The following EYA4 variants were observed in gnomAD, a reference collection of about 807,000 sequenced individuals.
EYA4 encodes the protein EYA transcriptional coactivator and phosphatase 4.
EYA4 carries 31 observed loss-of-function variants against 87.9 expected under a neutral mutation model. That is an observed-to-expected ratio of 0.35 (90% confidence interval 0.27 to 0.48). The LOEUF is 0.48. EYA4 is among the 20% of genes least tolerant of loss of function. The pLI is 0.99. For missense variants in EYA4, 678 were observed against 761.4 expected, an observed-to-expected ratio of 0.89 and a Z score of 1.29; for synonymous variants, 263 against 270.6, an observed-to-expected ratio of 0.97 and a Z score of 0.28.
rs768724484 is a variant in EYA4, at chr6:133,383,517, CAAAAAAA to C, written c.83+1098_83+1104del. 5.8e-3 allele frequency among the ~76,000 whole-genome samples: 264 copies of C among 45,230 alleles called. 2 individuals carry two copies. The South Asian group carries it at 0.089, about 15-fold the overall frequency. The allele number at this position is 45,230 out of a possible 152,430, so 29.7% of individuals were successfully genotyped here. ...TGGGCGACAGAGCGAGACTCCATCTCAAAAAAAAAAAAAAAAAAAAAAAAAAAATGTA... is the reference window on the plus strand; with the variant it reads ...TGGGCGACAGAGCGAGACTCCATCTCAAAAAAAAAAAAAAAAAAAAATGTA... On this transcript the variant is annotated intron_variant, in intron 3 of 19. Coordinates refer to ENST00000355286, the MANE Select transcript of EYA4 (RefSeq NM_004100.5).
chr6:133,327,506 G>A (rs952975468), intron 2 of EYA4, among the ~76,000 whole-genome samples: 10 of 152,072 alleles, frequency 6.6e-5, no homozygotes, highest in African/African-American at 2.4e-4. Context: ...CATATAAAAG[G>A]ACCAGTAGGG....
chr6:133,277,711 T>C (rs1777293469), intron 2 of EYA4, among the ~76,000 whole-genome samples: 1 of 152,188 alleles, frequency 6.6e-6, no homozygotes, highest in Non-Finnish European at 1.5e-5. Flanking sequence ...CCAGCTCTCC[T>C]TCCCTCTCCC....
At chr6:133,384,325 T>G (rs1030736412) in intron 3 of EYA4, among the ~76,000 whole-genome samples, 1 of 152,204 alleles carries the variant, frequency 6.6e-6, no homozygotes, top group Admixed American at 6.5e-5. Context: ...ATAGTTTTTT[T>G]GAAGACTGCT....
chr6:133,279,302 G>A (rs1777433505), intron 2 of EYA4, among the ~76,000 whole-genome samples: 1 of 152,088 alleles, frequency 6.6e-6, no homozygotes, highest in South Asian at 2.1e-4. Flanking sequence ...TTACGGGCCT[G>A]AACATTCATA....
At chr6:133,382,247 T>C in intron 2 of EYA4, 145 bp from the exon 3 acceptor site, 1 of 727,626 alleles carries the variant, frequency 1.4e-6, no homozygotes, top group Non-Finnish European at 2.5e-6. Context: ...ATACACTATT[T>C]AGTACTGTAT....
In EYA4 at chr6:133,506,178, T is replaced by C. The variant is rs766259417; in HGVS notation, c.1264T>C (p.Phe422Leu). ...TTTTAATCTTGCTGATACTCATTTG[T>C]TTTTTAATGATTTAGAGGTAAGAAT... The part of the protein sequence containing the change: ...MIFNLADTHL[F>L]FNDLEECDQV... Residue 422 changes from phenylalanine to leucine, a missense_variant, in exon 14 of 20, where the codon TTT (phenylalanine) becomes CTT (leucine). Coordinates refer to ENST00000355286, the MANE Select transcript of EYA4 (RefSeq NM_004100.5). The C allele has an allele frequency of 1.3e-6, 2 of 1,599,834 alleles. No individual in the cohort carries two copies. Among genetic ancestry groups the C allele is most frequent in the Non-Finnish European group, 1.7e-6 (2 of 1,167,108 alleles).
At chr6:133,265,729 G>A (rs1200930701) in intron 1 of EYA4, among the ~76,000 whole-genome samples, 2 of 152,030 alleles carry the variant, frequency 1.3e-5, no homozygotes, top group African/African-American at 4.8e-5. Flanking sequence ...TAAATTTCAA[G>A]GAAATATAAA....
chr6:133,480,426 A>G (rs1348202235), intron 11 of EYA4, among the ~76,000 whole-genome samples: 4 of 152,138 alleles, frequency 2.6e-5, no homozygotes, highest in Admixed American at 1.3e-4. Flanking sequence ...TTGGATATCA[A>G]TAAGTGGGGA....
At chr6:133,246,864 A>T (rs1288620327) in intron 1 of EYA4, 1 of 152,134 alleles carries the variant, frequency 6.6e-6, no homozygotes, top group South Asian at 2.1e-4. Context: ...TATTTTACAG[A>T]TAAGGAAGCT....
At chr6:133,442,814 A>G (rs1482640369) in intron 3 of EYA4, among the ~76,000 whole-genome samples, 2 of 152,122 alleles carry the variant, frequency 1.3e-5, no homozygotes, top group East Asian at 3.9e-4. Flanking sequence ...TTTATCAGAC[A>G]GAGGAAAAAT....
intron 1 of EYA4, among the ~76,000 whole-genome samples, chr6:133,254,556 G>A (rs957407534): frequency 1.3e-5 from 2 of 151,952 alleles, no homozygotes; most frequent in African/African-American, 4.8e-5. Flanking sequence ...TTATTTAGGG[G>A]GGAAAGTCTT....
At chr6:133,251,638 T>A (rs754312833) in intron 1 of EYA4, among the ~76,000 whole-genome samples, 1 of 152,178 alleles carries the variant, frequency 6.6e-6, no homozygotes, top group Non-Finnish European at 1.5e-5. Flanking sequence ...CATTTTGGGC[T>A]GGATAATTTA....
chr6:133,483,032 C>A lies in EYA4; in HGVS notation c.1108C>A (p.Arg370Ser). 6.2e-7 allele frequency: 1 copy of A among 1,611,618 alleles called. No homozygotes were observed. Among genetic ancestry groups the A allele is most frequent in the African/African-American group, 1.3e-5 (1 of 74,940 alleles). Residue 370 changes from arginine (R) to serine (S), a missense_variant and splice_region_variant, in exon 13 of 20, where the codon CGT becomes AGT. Transcript: ENST00000355286. ...TCTGATATTTATTTTTTGTCTTCAGCGTGTGTTTGTCTGGGATTTGGATGA... is the reference window on the plus strand; with the variant it reads ...TCTGATATTTATTTTTTGTCTTCAGAGTGTGTTTGTCTGGGATTTGGATGA... ...PSPPPDSDLE[R>S]VFVWDLDETI...
rs2128655388 is a variant in EYA4, at chr6:133,461,180, A to G, written c.437A>G (p.Lys146Arg). 6.2e-7 allele frequency: 1 copy of G among 1,609,476 alleles called. No homozygotes were observed. The highest frequency in any genetic ancestry group is 8.5e-7 in the Non-Finnish European group (1 of 1,175,868). The change falls in exon 7 of 20, where the codon AAG becomes AGG. Residue 146 changes from lysine to arginine, a missense_variant and splice_region_variant. Lys to Arg is a conservative substitution (Grantham distance 26, BLOSUM62 2). Transcript: ENST00000355286. ...HQYSPQLYPS[K>R]PYPHILSTPA... ...TATTCCCCACAGCTGTATCCTTCCA[A>G]GTAAGTGGTCAGTAGATTCTTGCTT...
intron 3 of EYA4, among the ~76,000 whole-genome samples, chr6:133,383,010 A>AT (rs1387842510): frequency 6.6e-6 from 1 of 151,910 alleles, no homozygotes; most frequent in Non-Finnish European, 1.5e-5. Flanking sequence ...TGCCCAACAG[A>AT]TTTTTTTAGA....
At chr6:133,348,396 C>T (rs1406630799) in intron 2 of EYA4, among the ~76,000 whole-genome samples, 1 of 151,166 alleles carries the variant, frequency 6.6e-6, no homozygotes, top group Non-Finnish European at 1.5e-5. Context: ...GCTTCAGCCT[C>T]CTGAGTAGCT....
intron 13 of EYA4, among the ~76,000 whole-genome samples, chr6:133,504,903 A>G (rs1052821462): frequency 3.9e-5 from 6 of 152,166 alleles, no homozygotes; most frequent in African/African-American, 1.4e-4. Flanking sequence ...TGAAAACACA[A>G]TTTCGGCTCT....
At chr6:133,241,294 TCCCTGCG>T (rs1475081660), upstream of EYA4, 5 of 149,630 alleles carry the variant, frequency 3.3e-5, no homozygotes, top group African/African-American at 1.2e-4. Context: ...CCGCCCCACC[TCCCTGCG>T]CAAGTGCGAG....
chr6:133,493,579 C>T (rs1434335332), intron 13 of EYA4, among the ~76,000 whole-genome samples: 1 of 152,026 alleles, frequency 6.6e-6, no homozygotes, highest in Non-Finnish European at 1.5e-5. Context: ...GGCAACCAAG[C>T]AAAAATGGAT....
Sources: allele counts gnomAD v4.1 joint callset (sites outside exome capture counted in the v4.1 genomes callset), GRCh38; gene constraint gnomAD v4.1.1; transcripts MANE v1.5; gene names NCBI Gene and HGNC (gene_info 2026-07-23, HGNC 2026-07-21).